Variants in DNAI7 observed in about 807,000 individuals in gnomAD.
DNAI7 encodes the protein dynein axonemal intermediate chain 7, also known as cancer susceptibility 1.
In DNAI7, 78 loss-of-function variants were observed where a neutral mutation model predicts 86.6. The observed-to-expected ratio is 0.90, with a 90% confidence interval of 0.75 to 1.09. The LOEUF (loss-of-function observed/expected upper bound fraction) is 1.09, where lower values mean the gene tolerates loss of function less well. Among genes scored for constraint, DNAI7 ranks in the 50% least tolerant of loss-of-function variants. The pLI is 0.00. For synonymous variants in DNAI7, 274 were observed against 273.0 expected (o/e 1.00, Z -0.04); for missense variants, 753 against 810.2 (o/e 0.93, Z 0.86).
Position 25,108,713 on chromosome 12 carries a change from A to C in DNAI7, c.2004T>G (p.Phe668Leu). The C allele has an allele frequency of 1.2e-6, 2 of 1,612,472 alleles. No individual in the cohort carries two copies. Among genetic ancestry groups the C allele is most frequent in the Non-Finnish European group, 1.7e-6 (2 of 1,179,558 alleles). ...CAGTTTCTTCTTTAAGTGCTTCAGA[A>C]AATGCCTCACTCTCTTCCTTGATCT... ...RLKIKEESEAFSEALKEETEF... is the reference protein window; with the variant it reads ...RLKIKEESEALSEALKEETEF... The change falls in exon 16 of 16, where the codon TTT becomes TTG. Residue 668 changes from phenylalanine to leucine, a missense_variant. Physicochemically the swap from Phe to Leu is conservative, Grantham distance 22. Transcript: ENST00000395987.
chr12:25,114,004 G>A (rs2140369163), intron 13 of DNAI7, among the ~76,000 whole-genome samples: 1 of 135,862 alleles, frequency 7.4e-6, no homozygotes, highest in East Asian at 2.1e-4. Flanking sequence ...GGAGTGCAGT[G>A]GTACGATCTC....
At chr12:25,129,378 C>T (rs1447720970) in intron 9 of DNAI7, among the ~76,000 whole-genome samples, 1 of 152,140 alleles carries the variant, frequency 6.6e-6, no homozygotes, top group Non-Finnish European at 1.5e-5. Context: ...CAGAATGGTG[C>T]CTACCACATA....
chr12:25,148,459 G>C (rs1390004004), intron 7 of DNAI7, among the ~76,000 whole-genome samples: 1 of 152,158 alleles, frequency 6.6e-6, no homozygotes, highest in Non-Finnish European at 1.5e-5. Context: ...CAAATACTTT[G>C]GCACTAGAAG....
intron 9 of DNAI7, among the ~76,000 whole-genome samples, chr12:25,125,684 C>T (rs955539705): frequency 7.9e-5 from 12 of 152,060 alleles, no homozygotes; most frequent in African/African-American, 2.9e-4. Context: ...AATCTTTGCC[C>T]ATCCTATGTC....
chr12:25,182,797 G>A (rs373707009), intron 2 of DNAI7, among the ~76,000 whole-genome samples: 140 of 148,108 alleles, frequency 9.5e-4, no homozygotes, highest in African/African-American at 3.4e-3. Flanking sequence ...GGTGGCACAC[G>A]TCTGTGGTCC....
At chr12:25,133,645 A>G (rs1336074485) in intron 9 of DNAI7, among the ~76,000 whole-genome samples, 1 of 152,164 alleles carries the variant, frequency 6.6e-6, no homozygotes, top group African/African-American at 2.4e-5. Context: ...AGCATTATTC[A>G]TATTAGCATT....
intron 2 of DNAI7, among the ~76,000 whole-genome samples, chr12:25,175,393 G>C (rs1396424095): frequency 6.6e-6 from 1 of 152,028 alleles, no homozygotes; most frequent in Non-Finnish European, 1.5e-5. Flanking sequence ...TTTTGAGACG[G>C]ACTCTCGCTC....
At chr12:25,111,032 A>G (rs994080873) in intron 14 of DNAI7, among the ~76,000 whole-genome samples, 6 of 152,118 alleles carry the variant, frequency 3.9e-5, no homozygotes, top group Non-Finnish European at 7.4e-5. Context: ...TTTCCTATGC[A>G]TATATGTACA....
In DNAI7 at chr12:25,180,108, T is replaced by G. The variant is rs551778183; in HGVS notation, c.21+10506A>C. On this transcript the variant is annotated intron_variant, in intron 2 of 15. Transcript: ENST00000395987. ...TTCAGTAAAGTTTCAGGATACAACA[T>G]GCAAAAACAAGTAGCATTTCTACAC... is the stretch of plus-strand genomic sequence containing the variant. Among the ~76,000 whole-genome samples the G allele has an allele frequency of 3.3e-5, 5 of 152,268 alleles. No homozygotes were observed. The South Asian group carries it at 1.0e-3, about 32-fold the overall frequency.
chr12:25,109,683 A>C (rs1167691717), intron 15 of DNAI7, among the ~76,000 whole-genome samples: 1 of 152,052 alleles, frequency 6.6e-6, no homozygotes, highest in African/African-American at 2.4e-5. Flanking sequence ...AAAAAATTTG[A>C]ATTTTTTTTT....
intron 2 of DNAI7, 93 bp downstream of exon 2, chr12:25,190,521 A>T (rs555353358): frequency 5.7e-6 from 3 of 529,542 alleles, no homozygotes; most frequent in Non-Finnish European, 9.5e-6. Context: ...CTACAAACTA[A>T]AACTATAAAA....
At chr12:25,121,949 T>A in intron 10 of DNAI7, 36 bp from the exon 11 acceptor site, 3 of 1,386,404 alleles carry the variant, frequency 2.2e-6, no homozygotes, top group Non-Finnish European at 2.9e-6. Flanking sequence ...TCAAATAGAT[T>A]ACAGTTTAGT....
intron 9 of DNAI7, among the ~76,000 whole-genome samples, chr12:25,134,302 T>G (rs972134446): frequency 6.6e-6 from 1 of 151,604 alleles, no homozygotes; most frequent in Non-Finnish European, 1.5e-5. Context: ...AGCCTCAAAT[T>G]TGATAAAATG....
intron 8 of DNAI7, 98 bp from the exon 9 acceptor site, chr12:25,144,775 T>A: frequency 1.0e-6 from 1 of 956,702 alleles, no homozygotes; most frequent in Non-Finnish European, 1.5e-6. Flanking sequence ...TCACTTTAAT[T>A]TTGCTCCAAT....
chr12:25,121,705 C>T (rs771483332), intron 11 of DNAI7, 48 bp downstream of exon 11: 73 of 1,408,016 alleles, frequency 5.2e-5, no homozygotes, highest in East Asian at 2.1e-4. Flanking sequence ...AAAGTAAAAG[C>T]GTGAGCAATT....
Position 25,108,729 on chromosome 12 carries a change from T to A in DNAI7, c.1988A>T (p.Glu663Val). The A allele has an allele frequency of 6.2e-7, 1 of 1,611,616 alleles. No individual in the cohort carries two copies. The highest frequency in any genetic ancestry group is 8.5e-7 in the Non-Finnish European group (1 of 1,179,316). ...GDRAQRLKIKEESEAFSEALK... is the reference protein window; with the variant it reads ...GDRAQRLKIKVESEAFSEALK... Reference sequence around the variant, plus strand: ...TGCTTCAGAAAATGCCTCACTCTCTTCCTTGATCTTCAGTCTTTGTGCTCT... The same window carrying A: ...TGCTTCAGAAAATGCCTCACTCTCTACCTTGATCTTCAGTCTTTGTGCTCT... The change falls in exon 16 of 16, where the codon GAA becomes GTA. Residue 663 changes from glutamate (E) to valine (V), a missense_variant. Physicochemically the swap from Glu to Val is moderately radical, Grantham distance 121. Coordinates refer to ENST00000395987, the MANE Select transcript of DNAI7 (RefSeq NM_018272.5).
At position 25,176,966 on chromosome 12, in the gene DNAI7, G is replaced by C. The variant is rs186651164; in HGVS notation, c.21+13648C>G. ...CACCCAGGTTGGAGTGCAGTGGTGC[G>C]ATCTCGGCTCACTACAACCTCCACC... On this transcript the variant is annotated intron_variant, in intron 2 of 15. Coordinates refer to ENST00000395987, the MANE Select transcript of DNAI7 (RefSeq NM_018272.5). Among the ~76,000 whole-genome samples, 865 of 146,100 alleles carry C rather than the reference G, an allele frequency of 5.9e-3. 10 individuals are homozygous for C. The highest frequency in any genetic ancestry group is 0.021 in the African/African-American group (808 of 38,792).
chr12:25,194,896 G>A (rs202146864), intron 1 of DNAI7, 180 bp downstream of exon 1: 496 of 1,613,948 alleles, frequency 3.1e-4, no homozygotes, highest in Non-Finnish European at 3.8e-4. Context: ...CTGTCCGCCT[G>A]GTCCAGGTAA....
Position 25,108,355 on chromosome 12 carries a change from C to A in DNAI7, c.*193G>T. 1 of 553,610 alleles carries A rather than the reference C, an allele frequency of 1.8e-6. No individual in the cohort carries two copies. Among genetic ancestry groups the A allele is most frequent in the Non-Finnish European group, 3.0e-6 (1 of 329,964 alleles). The allele number at this position is 553,610 out of a possible 1,614,324, so 34.3% of individuals were successfully genotyped here. A position where few individuals can be genotyped will look rare whatever the true frequency, so the allele number is the denominator to read the frequency against. On this transcript the variant is annotated 3_prime_UTR_variant, in exon 16 of 16. Transcript: ENST00000395987. The stretch of plus-strand genomic sequence containing the variant: ...TCTTCATAGAGTGAAAGCTGAAATT[C>A]TTAACAGGCCAAGTATTCAAAGGAA...
Sources: allele counts gnomAD v4.1 joint callset (sites outside exome capture counted in the v4.1 genomes callset), GRCh38; gene constraint gnomAD v4.1.1; transcripts MANE v1.5; gene names NCBI Gene and HGNC (gene_info 2026-07-23, HGNC 2026-07-21).